Variants in CEP128 observed in about 807,000 individuals in gnomAD.
The protein encoded by CEP128 is centrosomal protein 128.
A neutral mutation model predicts 156.7 loss-of-function variants in CEP128; 132 were observed. The observed-to-expected ratio is 0.84, with a 90% CI of 0.73 to 0.97. The LOEUF (loss-of-function observed/expected upper bound fraction) is 0.97. Among genes scored for constraint, CEP128 ranks in the 50% least tolerant of loss-of-function variants. The probability of loss-of-function intolerance (pLI) is 0.00; values close to 1 mark genes in which losing one functional copy is unlikely to be tolerated. For synonymous variants in CEP128, 469 were observed against 448.9 expected, an observed-to-expected ratio of 1.04 and a Z score of -0.57; for missense variants, 1,252 against 1,281.9, an observed-to-expected ratio of 0.98 and a Z score of 0.36.
chr14:80,512,494 T>C (rs999386404), intron 23 of CEP128, among the ~76,000 whole-genome samples: 1 of 152,070 alleles, frequency 6.6e-6, no homozygotes, highest in African/African-American at 2.4e-5. Context: ...GTGTGTTTCT[T>C]GTAGGCAACA....
intron 19 of CEP128, among the ~76,000 whole-genome samples, chr14:80,589,716 GTGC>G (rs1891968165): frequency 6.6e-6 from 1 of 152,140 alleles, no homozygotes; most frequent in Non-Finnish European, 1.5e-5. Flanking sequence ...TAAAAGGCAT[GTGC>G]TGATATTAAC....
chr14:80,612,630 TC>T (rs1893038675), intron 19 of CEP128, among the ~76,000 whole-genome samples: 1 of 152,164 alleles, frequency 6.6e-6, no homozygotes, highest in South Asian at 2.1e-4. Context: ...AACAGGTGTA[TC>T]AAAATGCTAG....
intron 21 of CEP128, among the ~76,000 whole-genome samples, chr14:80,539,612 T>C (rs146879427): frequency 6.6e-6 from 1 of 152,144 alleles, no homozygotes; most frequent in Non-Finnish European, 1.5e-5. Flanking sequence ...GTTTGAACAA[T>C]ATGAAATCAG....
At chr14:80,498,430 G>A (rs894905954) in intron 24 of CEP128, among the ~76,000 whole-genome samples, 4 of 152,078 alleles carry the variant, frequency 2.6e-5, no homozygotes, top group Non-Finnish European at 4.4e-5. Flanking sequence ...CTTAATGGTC[G>A]CCCAGTGAAC....
intron 8 of CEP128, among the ~76,000 whole-genome samples, chr14:80,868,125 C>G (rs1242189774): frequency 2.0e-5 from 3 of 151,914 alleles, no homozygotes; most frequent in Admixed American, 2.0e-4. Context: ...ATTTGCCTTA[C>G]AAGAAATATA....
intron 23 of CEP128, among the ~76,000 whole-genome samples, chr14:80,508,394 C>A (rs1315043465): frequency 6.6e-6 from 1 of 152,104 alleles, no homozygotes; most frequent in Non-Finnish European, 1.5e-5. Flanking sequence ...TTTCCCAGGT[C>A]TTACTTATAA....
intron 14 of CEP128, among the ~76,000 whole-genome samples, chr14:80,791,127 A>T (rs1901684564): frequency 6.6e-6 from 1 of 152,168 alleles, no homozygotes. Flanking sequence ...TTTTTTTTCC[A>T]AAATTATTTA....
At chr14:80,678,049 A>AAAAAATATATAT in intron 19 of CEP128, among the ~76,000 whole-genome samples, 7 of 98,494 alleles carry the variant, frequency 7.1e-5, no homozygotes, top group African/African-American at 2.2e-4. Context: ...ATAAAAAAAA[A>AAAAAATATATAT]ATATATATAT....
intron 19 of CEP128, among the ~76,000 whole-genome samples, chr14:80,731,587 G>A (rs1203631606): frequency 6.6e-6 from 1 of 151,928 alleles, no homozygotes; most frequent in African/African-American, 2.4e-5. Context: ...TTTAAATACA[G>A]GAACAACAAG....
At chr14:80,648,425 T>C (rs919497207) in intron 19 of CEP128, among the ~76,000 whole-genome samples, 8 of 152,128 alleles carry the variant, frequency 5.3e-5, no homozygotes, top group African/African-American at 1.9e-4. Context: ...TTTTCAGTTA[T>C]CAGTAATAAT....
chr14:80,813,043 T>C (rs955931957), intron 13 of CEP128, among the ~76,000 whole-genome samples: 6 of 152,226 alleles, frequency 3.9e-5, no homozygotes, highest in African/African-American at 1.4e-4. Flanking sequence ...TTTCATGTCC[T>C]TTGCGTATTT....
chr14:80,886,740 G>A (rs930973482), intron 8 of CEP128, among the ~76,000 whole-genome samples: 64 of 152,296 alleles, frequency 4.2e-4, no homozygotes, highest in African/African-American at 1.5e-3. Flanking sequence ...AAAATAACCA[G>A]CTAGCATCAT....
chr14:80,498,936 A>T (rs1887615144), intron 24 of CEP128, among the ~76,000 whole-genome samples: 1 of 152,194 alleles, frequency 6.6e-6, no homozygotes, highest in African/African-American at 2.4e-5. Context: ...GCCTCTAGAG[A>T]GTACCTTGTC....
intron 21 of CEP128, among the ~76,000 whole-genome samples, chr14:80,557,375 A>C (rs1890480675): frequency 6.6e-6 from 1 of 152,240 alleles, no homozygotes; most frequent in South Asian, 2.1e-4. Context: ...AAAAATGATA[A>C]AATAATTTTA....
At chr14:80,799,075 A>G (rs977155709) in intron 13 of CEP128, among the ~76,000 whole-genome samples, 1 of 152,238 alleles carries the variant, frequency 6.6e-6, no homozygotes, top group African/African-American at 2.4e-5. Flanking sequence ...AGACAGTGGC[A>G]TATCATGGAA....
intron 19 of CEP128, among the ~76,000 whole-genome samples, chr14:80,617,854 T>C (rs7157244): frequency 0.077 from 11,793 of 152,282 alleles, 540 homozygotes; most frequent in African/African-American, 0.12. Context: ...TTTCTAAAAG[T>C]AAGCATGTAG....
intron 15 of CEP128, among the ~76,000 whole-genome samples, chr14:80,784,692 C>T (rs1417750276): frequency 6.6e-6 from 1 of 152,180 alleles, no homozygotes; most frequent in Non-Finnish European, 1.5e-5. Flanking sequence ...GGCTTCAATG[C>T]TCTGAAATAG....
At chr14:80,608,832 C>T (rs1424130893) in intron 19 of CEP128, among the ~76,000 whole-genome samples, 1 of 152,162 alleles carries the variant, frequency 6.6e-6, no homozygotes, top group Non-Finnish European at 1.5e-5. Flanking sequence ...TTTAACACAG[C>T]ACTGTCACAT....
chr14:80,773,959 G>A (rs1900650860), intron 16 of CEP128, among the ~76,000 whole-genome samples: 1 of 152,138 alleles, frequency 6.6e-6, no homozygotes, highest in Non-Finnish European at 1.5e-5. Flanking sequence ...AGTACCAAAT[G>A]AATATGTAAA....
Sources: gnomAD v4.1 joint callset for allele counts (sites outside exome capture counted in the v4.1 genomes callset) on GRCh38, gnomAD v4.1.1 for gene constraint, MANE v1.5 for transcripts, NCBI Gene and HGNC (gene_info 2026-07-23, HGNC 2026-07-21) for gene names.